TMEM185A: variants seen among roughly 807,000 people sequenced by gnomAD.
The protein encoded by TMEM185A is transmembrane protein 185A.
TMEM185A carries 9 observed loss-of-function variants against 25.0 expected under a neutral mutation model. The observed-to-expected ratio is 0.36, with a 90% CI of 0.22 to 0.63. The LOEUF is 0.63. TMEM185A is among the 20% of genes least tolerant of loss of function. TMEM185A has a pLI of 0.68. For synonymous variants in TMEM185A, 45 were observed against 93.5 expected (o/e 0.48, Z 2.99); for missense variants, 103 against 237.4 (o/e 0.43, Z 3.72).
At chrX:149,627,821 T>C (rs2056512730) in intron 1 of TMEM185A, among the ~76,000 whole-genome samples, 1 of 112,585 alleles carries the variant, frequency 8.9e-6, no homozygotes, top group Non-Finnish European at 1.9e-5. Flanking sequence ...AGTACATCAC[T>C]TGGCACGAGA....
At chrX:149,624,753 A>G (rs1477164727) in intron 1 of TMEM185A, among the ~76,000 whole-genome samples, 1 of 112,143 alleles carries the variant, frequency 8.9e-6, no homozygotes, top group Non-Finnish European at 1.9e-5. Context: ...AATGTTTAAG[A>G]GCATTTAACC....
At chrX:149,604,801 G>A (rs782061214) in intron 3 of TMEM185A, among the ~76,000 whole-genome samples, 1 of 110,964 alleles carries the variant, frequency 9.0e-6, no homozygotes, top group Non-Finnish European at 1.9e-5. Flanking sequence ...CGATAACCGG[G>A]AGGCAGCAAA....
intron 1 of TMEM185A, among the ~76,000 whole-genome samples, chrX:149,623,260 G>T (rs1051125189): frequency 3.6e-5 from 4 of 111,534 alleles, no homozygotes; most frequent in African/African-American, 6.5e-5. Context: ...AAGGGTACTG[G>T]GGGGAATAAG....
In TMEM185A at chrX:149,608,884, A is replaced by T. The variant is rs149834558; in HGVS notation, c.216-50T>A. 2,095 of 1,083,609 alleles carry T rather than the reference A, an allele frequency of 1.9e-3. 29 individuals carry two copies. In the African/African-American group the frequency reaches 0.035, roughly 18 times the overall value. The allele number at this position is 1,083,609 out of a possible 1,213,427, so 89.3% of individuals were successfully genotyped here. A position where few individuals can be genotyped will look rare whatever the true frequency, so the allele number is the denominator to read the frequency against. ...ACACCCTCAGTTCAGAATCTCCACT[A>T]TAAGCAAGCAGTTCAGGGCAAATAC... On this transcript the variant is annotated intron_variant, in intron 2 of 6. Transcript: ENST00000600449.
At position 149,620,496 on chromosome X, in the gene TMEM185A, A is replaced by AT. The variant is rs369553435; in HGVS notation, c.39-9034dup. Among the ~76,000 whole-genome samples, 29 of 108,696 alleles carry AT rather than the reference A, an allele frequency of 2.7e-4. No homozygotes were observed. The East Asian group carries it at 4.6e-3, about 17-fold the overall frequency. The allele number at this position is 108,696 out of a possible 115,157, so 94.4% of individuals were successfully genotyped here. On this transcript the variant is annotated intron_variant, in intron 1 of 6. Coordinates refer to ENST00000600449, the MANE Select transcript of TMEM185A (RefSeq NM_032508.4). Reference sequence around the variant, plus strand: ...AAGGACATTCGTAAGTGAAGCTGGCATTTTTTTTTTAACTGCAAGTCCAGC... The same window carrying AT: ...AAGGACATTCGTAAGTGAAGCTGGCATTTTTTTTTTTAACTGCAAGTCCAGC...
chrX:149,610,428 CAAAAAAAAAAAA>C (rs374846385), intron 2 of TMEM185A, among the ~76,000 whole-genome samples: 5 of 26,597 alleles, frequency 1.9e-4, no homozygotes, highest in Non-Finnish European at 3.1e-4. Flanking sequence ...AACTCTGTCT[CAAAAAAAAAAAA>C]AAAAAAAAAA....
intron 1 of TMEM185A, among the ~76,000 whole-genome samples, chrX:149,624,255 T>C (rs1330402561): frequency 8.9e-6 from 1 of 112,479 alleles, no homozygotes; most frequent in Non-Finnish European, 1.9e-5. Context: ...TAGTGCTACC[T>C]GGGCCAAAGC....
chrX:149,618,511 T>C (rs2090122408), intron 1 of TMEM185A, among the ~76,000 whole-genome samples: 1 of 111,409 alleles, frequency 9.0e-6, no homozygotes, highest in Non-Finnish European at 1.9e-5. Context: ...GAATATAAGA[T>C]AATGAGTATA....
chrX:149,628,111 G>T (rs1446206883), intron 1 of TMEM185A, among the ~76,000 whole-genome samples: 2 of 111,693 alleles, frequency 1.8e-5, no homozygotes, highest in African/African-American at 6.5e-5. Flanking sequence ...TAGCACACCT[G>T]AGGGATACAC....
chrX:149,607,814 C>T lies in TMEM185A; in HGVS notation c.423+813G>A, dbSNP rs782612508. ...GTGTCAACTTGGCTGGGCTATAGTACCCAGTTATTTAATCAAACACTAAGC... is the reference window on the plus strand; with the variant it reads ...GTGTCAACTTGGCTGGGCTATAGTATCCAGTTATTTAATCAAACACTAAGC... On this transcript the variant is annotated intron_variant, in intron 3 of 6. Coordinates refer to ENST00000600449, the MANE Select transcript of TMEM185A (RefSeq NM_032508.4). Among the ~76,000 whole-genome samples the T allele has an allele frequency of 2.7e-5, 3 of 111,600 alleles. No homozygotes were observed. The South Asian group carries it at 1.1e-3, about 42-fold the overall frequency.
chrX:149,608,727 C>T lies in TMEM185A; in HGVS notation c.323G>A (p.Gly108Glu). ...GAAGACCAGGAGCCAGAAATGGCTT[C>T]CTCTCTCGATTCTGTCACAGACCAG... ...EVLVCDRIER[G>E]SHFWLLVFMP... Residue 108 changes from glycine to glutamate, a missense_variant, in exon 3 of 7, where the codon GGA (glycine) becomes GAA (glutamate). By Grantham distance (98) the Gly-to-Glu change is moderately conservative (BLOSUM62 -2). Transcript: ENST00000600449. 1.7e-6 allele frequency: 2 copies of T among 1,211,849 alleles called. No individual in the cohort carries two copies. The highest frequency in any genetic ancestry group is 2.2e-6 in the Non-Finnish European group (2 of 895,493).
chrX:149,619,757 G>GT (rs1557355389), intron 1 of TMEM185A, among the ~76,000 whole-genome samples: 3 of 109,359 alleles, frequency 2.7e-5, no homozygotes, highest in Non-Finnish European at 5.7e-5. Flanking sequence ...GTGGTGTTTG[G>GT]TTTTTTGTCC....
intron 1 of TMEM185A, 35 bp downstream of exon 1, chrX:149,631,508 G>T: frequency 8.7e-7 from 1 of 1,150,551 alleles, no homozygotes; most frequent in Non-Finnish European, 1.2e-6. Flanking sequence ...AGCCCGCAGC[G>T]CGGACTCCCG....
At chrX:149,624,217 T>C (rs1557355810) in intron 1 of TMEM185A, among the ~76,000 whole-genome samples, 1 of 111,943 alleles carries the variant, frequency 8.9e-6, no homozygotes, top group African/African-American at 3.3e-5. Context: ...TTTGAATCTG[T>C]AGTGTTAGTA....
intron 3 of TMEM185A, among the ~76,000 whole-genome samples, chrX:149,607,805 G>T (rs1214251605): frequency 8.9e-6 from 1 of 111,838 alleles, no homozygotes; most frequent in African/African-American, 3.3e-5. Context: ...ACTTGGCTGG[G>T]CTATAGTACC....
chrX:149,626,659 G>A (rs994353091), intron 1 of TMEM185A, among the ~76,000 whole-genome samples: 2 of 112,429 alleles, frequency 1.8e-5, no homozygotes, highest in African/African-American at 3.2e-5. Context: ...CGGAGGACCC[G>A]CACCAGCGCT....
chrX:149,604,585 T>G (rs782298106), intron 3 of TMEM185A, among the ~76,000 whole-genome samples: 1 of 110,875 alleles, frequency 9.0e-6, no homozygotes, highest in Admixed American at 9.6e-5. Flanking sequence ...AGCACAGAAA[T>G]GACTCCTTCT....
intron 3 of TMEM185A, among the ~76,000 whole-genome samples, chrX:149,605,471 T>C (rs182039835): frequency 1.9e-5 from 1 of 51,750 alleles, no homozygotes; most frequent in African/African-American, 1.0e-4. Flanking sequence ...ATGGCCTCCC[T>C]TGTCACTTTC....
intron 1 of TMEM185A, among the ~76,000 whole-genome samples, chrX:149,620,994 A>C (rs1396900760): frequency 1.8e-5 from 2 of 112,068 alleles, no homozygotes; most frequent in African/African-American, 6.5e-5. Context: ...AATATTCCAA[A>C]ATCTAAAAAA....
Sources: gnomAD v4.1 joint callset for allele counts (sites outside exome capture counted in the v4.1 genomes callset) on GRCh38, gnomAD v4.1.1 for gene constraint, MANE v1.5 for transcripts, NCBI Gene and HGNC (gene_info 2026-07-23, HGNC 2026-07-21) for gene names.